The following SLCO1B3 variants were observed in gnomAD, a reference collection of about 807,000 sequenced individuals.
The protein encoded by SLCO1B3 is solute carrier organic anion transporter family member 1B3, also known as liver-specific organic anion transporter 2.
A neutral mutation model predicts 71.8 loss-of-function variants in SLCO1B3; 72 were observed. The ratio of observed to expected loss-of-function variants is 1.00; its 90% CI spans 0.83 to 1.22. The LOEUF is 1.22. Ranked by LOEUF, SLCO1B3 falls within the 50% of genes most tolerant of loss-of-function variation. The pLI is 0.00. For synonymous variants in SLCO1B3, 298 were observed against 278.4 expected, an observed-to-expected ratio of 1.07 and a Z score of -0.70; for missense variants, 911 against 819.7, an observed-to-expected ratio of 1.11 and a Z score of -1.36.
At chr12:20,833,477 C>T (rs1864588037) in intron 3 of SLCO1B3, among the ~76,000 whole-genome samples, 1 of 148,682 alleles carries the variant, frequency 6.7e-6, no homozygotes, top group Admixed American at 6.8e-5. Flanking sequence ...AATATATACA[C>T]ACATATACAC....
At chr12:20,876,284 C>A (rs1224672275) in intron 9 of SLCO1B3, among the ~76,000 whole-genome samples, 2 of 152,022 alleles carry the variant, frequency 1.3e-5, no homozygotes, top group Non-Finnish European at 2.9e-5. Flanking sequence ...AGAGAATGAT[C>A]TGGCAGCTGT....
chr12:20,818,900 A>C (rs1864239553), intron 3 of SLCO1B3, among the ~76,000 whole-genome samples: 1 of 152,228 alleles, frequency 6.6e-6, no homozygotes, highest in Non-Finnish European at 1.5e-5. Flanking sequence ...GCTGGATTGA[A>C]GTCCGGGCCA....
At chr12:20,833,782 C>G (rs906593402) in intron 3 of SLCO1B3, among the ~76,000 whole-genome samples, 1 of 132,098 alleles carries the variant, frequency 7.6e-6, no homozygotes. Context: ...TATCATCTAT[C>G]TCTCTATTTC....
intron 3 of SLCO1B3, among the ~76,000 whole-genome samples, chr12:20,822,547 C>T (rs1285073155): frequency 1.3e-5 from 2 of 152,098 alleles, no homozygotes; most frequent in African/African-American, 4.8e-5. Flanking sequence ...TCAGTTACTT[C>T]AGGCCATCTC....
At chr12:20,816,458 TTGTCTTTCTG>T (rs1430463748) in intron 3 of SLCO1B3, among the ~76,000 whole-genome samples, 1 of 152,198 alleles carries the variant, frequency 6.6e-6, no homozygotes, top group Non-Finnish European at 1.5e-5. Context: ...CATGCAATGT[TTGTCTTTCTG>T]TGCCTGGATT....
At chr12:20,841,906 A>C (rs1225836197) in intron 3 of SLCO1B3, among the ~76,000 whole-genome samples, 128 of 139,308 alleles carry the variant, frequency 9.2e-4, no homozygotes, top group Admixed American at 1.7e-3. Flanking sequence ...TTTTTTTGAG[A>C]CAGAGTCTCA....
intron 15 of SLCO1B3, among the ~76,000 whole-genome samples, chr12:20,906,545 C>T (rs182444838): frequency 6.6e-6 from 1 of 152,148 alleles, no homozygotes; most frequent in African/African-American, 2.4e-5. Flanking sequence ...ATGTGCTATA[C>T]TAATACAAGA....
chr12:20,894,662 G>C (rs926881454), intron 13 of SLCO1B3, among the ~76,000 whole-genome samples: 46 of 152,220 alleles, frequency 3.0e-4, no homozygotes, highest in African/African-American at 1.1e-3. Context: ...AACTCAACCA[G>C]GGTTGAAGTG....
chr12:20,909,250 A>G (rs773478775), intron 15 of SLCO1B3, among the ~76,000 whole-genome samples: 2 of 143,430 alleles, frequency 1.4e-5, no homozygotes, highest in Non-Finnish European at 3.0e-5. Context: ...ACTGCAAGCT[A>G]CGCCTCCCAG....
chr12:20,853,517 A>G (rs904801829), intron 3 of SLCO1B3, among the ~76,000 whole-genome samples: 1 of 152,020 alleles, frequency 6.6e-6, no homozygotes, highest in Non-Finnish European at 1.5e-5. Context: ...TTGTTGGCTT[A>G]TAATTGTTCA....
chr12:20,863,443 T>C (rs976513172), intron 8 of SLCO1B3, among the ~76,000 whole-genome samples: 1 of 152,202 alleles, frequency 6.6e-6, no homozygotes, highest in African/African-American at 2.4e-5. Context: ...TCTCCTCTTG[T>C]AGAAGAATAA....
Position 20,869,089 on chromosome 12 carries a change from C to G in SLCO1B3, c.728-6146C>G, listed in dbSNP as rs1865428384. 2.0e-5 allele frequency among the ~76,000 whole-genome samples: 3 copies of G among 152,148 alleles called. No individual in the cohort carries two copies. The South Asian group carries it at 6.2e-4, about 32-fold the overall frequency. ...TCTGGATAACTGCGGGCAAGCCTGA[C>G]TAATATCACAAGAGGTGGAGGAGCA... On this transcript the variant is annotated intron_variant, in intron 8 of 15. Transcript: ENST00000381545.
chr12:20,841,935 A>T (rs1403118016), intron 3 of SLCO1B3, among the ~76,000 whole-genome samples: 1 of 149,158 alleles, frequency 6.7e-6, no homozygotes, highest in African/African-American at 2.5e-5. Flanking sequence ...CCCAGGCTAG[A>T]GTGCAGTGGA....
At chr12:20,828,633 GCACA>G (rs561409835) in intron 3 of SLCO1B3, among the ~76,000 whole-genome samples, 1 of 147,170 alleles carries the variant, frequency 6.8e-6, no homozygotes, top group African/African-American at 2.5e-5. Flanking sequence ...AAGCATAAAG[GCACA>G]CACACACATA....
intron 8 of SLCO1B3, among the ~76,000 whole-genome samples, chr12:20,864,173 CAT>C (rs1301234483): frequency 6.6e-6 from 1 of 152,154 alleles, no homozygotes; most frequent in Non-Finnish European, 1.5e-5. Context: ...TCTCTTTCAA[CAT>C]GTGACTTTTC....
chr12:20,856,215 A>T lies in SLCO1B3; in HGVS notation c.226+1046A>T, dbSNP rs187606474. 5.5e-3 allele frequency among the ~76,000 whole-genome samples: 841 copies of T among 152,272 alleles called. 13 individuals are homozygous for T. The highest frequency in any genetic ancestry group is 0.02 in the African/African-American group (822 of 41,558). ...AACATTTTTGTTAAACTTTGCAGCT[A>T]TTTAACAGCAATTATTTGAACATCA... On this transcript the variant is annotated intron_variant, in intron 4 of 15. Transcript: ENST00000381545.
chr12:20,875,248 A>G lies in SLCO1B3; in HGVS notation c.741A>G (p.Ile247Met), dbSNP rs1219876531. Reference protein sequence around the residue: ...IGYVDLSTIRITPKDSRWVGA... With the variant: ...IGYVDLSTIRMTPKDSRWVGA... ...TGTTTCTCCTAGGCACTATCAGAATAACTCCTAAGGACTCTCGTTGGGTTG... is the reference window on the plus strand; with the variant it reads ...TGTTTCTCCTAGGCACTATCAGAATGACTCCTAAGGACTCTCGTTGGGTTG... The change falls in exon 9 of 16, where the codon ATA becomes ATG. Residue 247 changes from isoleucine to methionine, a missense_variant. Physicochemically the swap from Ile to Met is conservative, Grantham distance 10. Coordinates refer to ENST00000381545, the MANE Select transcript of SLCO1B3 (RefSeq NM_019844.4). 6.2e-7 allele frequency: 1 copy of G among 1,612,244 alleles called. No homozygotes were observed. Among genetic ancestry groups the G allele is most frequent in the Admixed American group, 1.7e-5 (1 of 59,510 alleles).
In SLCO1B3 at chr12:20,901,606, A is replaced by G. The variant is rs1866135702; in HGVS notation, c.1865+139A>G. 8 of 542,338 alleles carry G rather than the reference A, an allele frequency of 1.5e-5. No homozygotes were observed. The South Asian group carries it at 1.9e-4, about 13-fold the overall frequency. 33.6% of individuals were successfully genotyped at this position (542,338 alleles called of 1,614,324 possible). A position where few individuals can be genotyped will look rare whatever the true frequency, so the allele number is the denominator to read the frequency against. ...ACAATTACTTTGTATTCACTATTGT[A>G]TCAAGCATTCTGGTATCTCATTTTA... On this transcript the variant is annotated intron_variant, in intron 15 of 15. Coordinates refer to ENST00000381545, the MANE Select transcript of SLCO1B3 (RefSeq NM_019844.4).
chr12:20,818,780 C>G (rs746237257), intron 3 of SLCO1B3, among the ~76,000 whole-genome samples: 1 of 152,102 alleles, frequency 6.6e-6, no homozygotes, highest in Admixed American at 6.6e-5. Context: ...CAAGCGTGAT[C>G]AGGGTGAGAA....
Sources: gnomAD v4.1 joint callset for allele counts (sites outside exome capture counted in the v4.1 genomes callset) on GRCh38, gnomAD v4.1.1 for gene constraint, MANE v1.5 for transcripts, NCBI Gene and HGNC (gene_info 2026-07-23, HGNC 2026-07-21) for gene names.